Variants in SRCAP observed in about 807,000 individuals in gnomAD.
SRCAP encodes the protein chromatin remodeling protein SRCAP.
Under a neutral mutation model 263.1 loss-of-function variants are expected in SRCAP, and 46 were observed. The observed-to-expected ratio is 0.17, with a 90% CI of 0.14 to 0.22. SRCAP has a LOEUF of 0.22. SRCAP is among the 10% of genes least tolerant of loss of function. The pLI, the probability that SRCAP is intolerant of heterozygous loss-of-function variation, is 1.00. For missense variants in SRCAP, 3,695 were observed against 4,181.9 expected, an observed-to-expected ratio of 0.88 and a Z score of 3.21; for synonymous variants, 1,813 against 1,662.1, an observed-to-expected ratio of 1.09 and a Z score of -2.21.
chr16:30,704,040 C>T (rs748266967), intron 3 of SRCAP, 24 bp from the exon 4 acceptor site: 13 of 1,597,128 alleles, frequency 8.1e-6, no homozygotes, highest in Admixed American at 3.4e-5. Context: ...CATTTATTTT[C>T]TCCATCATTT....
chr16:30,708,338 A>G (rs1488807644), intron 6 of SRCAP, among the ~76,000 whole-genome samples: 1 of 152,126 alleles, frequency 6.6e-6, no homozygotes, highest in Non-Finnish European at 1.5e-5. Flanking sequence ...TCTCCCAAGT[A>G]TCTGGGACTA....
intron 6 of SRCAP, among the ~76,000 whole-genome samples, chr16:30,709,210 A>G (rs2052860686): frequency 6.6e-6 from 1 of 151,974 alleles, no homozygotes; most frequent in East Asian, 1.9e-4. Flanking sequence ...CAGGAGGATC[A>G]TTTGAGCCCA....
Position 30,720,185 on chromosome 16 carries a change from C to T in SRCAP, c.2841C>T (p.Asp947=), listed in dbSNP as rs2052996793. The T allele has an allele frequency of 1.2e-6, 2 of 1,612,468 alleles. No homozygotes were observed. The change falls in exon 19 of 34, where the codon GAC becomes GAT. Residue 947 remains aspartate, a synonymous_variant. Transcript: ENST00000262518. ...PLQRIDMGRF[D]LIGLEGRVSR... ...AGCGGATAGACATGGGTCGATTTGA[C>T]CTTATTGGCCTGGAAGGTCGTGTCT...
At chr16:30,704,511 TATA>T (rs957509953) in intron 4 of SRCAP, among the ~76,000 whole-genome samples, 196 bp downstream of exon 4, 5 of 152,166 alleles carry the variant, frequency 3.3e-5, no homozygotes, top group Admixed American at 2.6e-4. Context: ...ATAGGAATGA[TATA>T]ATAGTTTATA....
chr16:30,716,565 C>T, intron 18 of SRCAP, 86 bp downstream of exon 18: 1 of 1,219,734 alleles, frequency 8.2e-7, no homozygotes, highest in Non-Finnish European at 1.2e-6. Context: ...TGGGGTCTGA[C>T]TTTTGCATCC....
intron 3 of SRCAP, among the ~76,000 whole-genome samples, chr16:30,702,524 G>C (rs999252417): frequency 6.7e-6 from 1 of 149,872 alleles, no homozygotes; most frequent in African/African-American, 2.5e-5. Context: ...GTGAGCCACC[G>C]TGCCCAGCCC....
Position 30,741,038 on chromosome 16 carries a change from T to C in SRCAP, c.*1305T>C, listed in dbSNP as rs941167037. 1.3e-5 allele frequency: 2 copies of C among 152,208 alleles called. No individual in the cohort carries two copies. Among genetic ancestry groups the C allele is most frequent in the African/African-American group, 4.8e-5 (2 of 41,444 alleles). The allele number at this position is 152,208 out of a possible 1,614,324, so 9.4% of individuals were successfully genotyped here. ...GAAATGATTAAGTAGGGCATCATTTTGCAGGTTTCTGTGTGGTAATGAGGT... is the reference window on the plus strand; with the variant it reads ...GAAATGATTAAGTAGGGCATCATTTCGCAGGTTTCTGTGTGGTAATGAGGT... On this transcript the variant is annotated 3_prime_UTR_variant, in exon 34 of 34. Coordinates refer to ENST00000262518, the MANE Select transcript of SRCAP (RefSeq NM_006662.3).
intron 30 of SRCAP, 55 bp from the exon 31 acceptor site, chr16:30,734,441 G>C (rs1160429007): frequency 6.2e-7 from 1 of 1,609,808 alleles, no homozygotes; most frequent in East Asian, 2.2e-5. Flanking sequence ...TTACAGCTTA[G>C]ACCTAAGACT....
Position 30,720,795 on chromosome 16 carries a change from G to A in SRCAP, c.3070G>A (p.Val1024Ile). 6.2e-7 allele frequency: 1 copy of A among 1,614,090 alleles called. No individual in the cohort carries two copies. Among genetic ancestry groups the A allele is most frequent in the Non-Finnish European group, 8.5e-7 (1 of 1,180,022 alleles). ...ACGGGCGCCCCTGGGCCCTGTCCCA[G>A]TTCGACCTCCTCCAGGTCCTGAGCT... ...NPRAPLGPVP[V>I]RPPPGPELSA... Residue 1024 changes from valine to isoleucine, a missense_variant, in exon 20 of 34, where the codon GTT becomes ATT. Coordinates refer to ENST00000262518, the MANE Select transcript of SRCAP (RefSeq NM_006662.3).
At chr16:30,712,551 T>C (rs772739571) in intron 13 of SRCAP, 112 bp downstream of exon 13, 4 of 1,516,968 alleles carry the variant, frequency 2.6e-6, no homozygotes, top group African/African-American at 2.8e-5. Context: ...GGTCATTAAC[T>C]GTATAGAGAG....
Position 30,704,249 on chromosome 16 carries a change from T to C in SRCAP, c.240T>C (p.Ala80=). The change falls in exon 4 of 34, where the codon GCT becomes GCC. Residue 80 remains alanine (A), a synonymous_variant. Coordinates refer to ENST00000262518, the MANE Select transcript of SRCAP (RefSeq NM_006662.3). The stretch of plus-strand genomic sequence containing the variant: ...AGGGGTTCAGCTTATCCCAGGCTGC[T>C]GACCTGGCTAACAAGGGCCCGAAGT... ...PLEGFSLSQA[A]DLANKGPKWE... The C allele has an allele frequency of 1.2e-6, 2 of 1,614,140 alleles. No homozygotes were observed. Among genetic ancestry groups the C allele is most frequent in the Non-Finnish European group, 1.7e-6 (2 of 1,179,986 alleles).
In SRCAP at chr16:30,724,984, C is replaced by T. The variant is rs780104309; in HGVS notation, c.5560C>T (p.Arg1854Cys). The T allele has an allele frequency of 1.2e-5, 20 of 1,614,072 alleles. No homozygotes were observed. The highest frequency in any genetic ancestry group is 8.0e-5 in the African/African-American group (6 of 74,914). The change falls in exon 25 of 34, where the codon CGC (arginine) becomes TGC (cysteine). Residue 1854 changes from arginine to cysteine, a missense_variant. By Grantham distance (180) the Arg-to-Cys change is radical (BLOSUM62 -3). Transcript: ENST00000262518. ...SKDEPDTLTL[R>C]SGPPSPPSTA... ...GGATGAGCCTGACACACTGACATTG[C>T]GCTCTGGTCCCCCCAGCCCTCCCTC...
rs1469943385 is a variant in SRCAP at position 30,716,328 on chromosome 16, G to A, written c.2666G>A (p.Ser889Asn). 1 of 1,614,132 alleles carries A rather than the reference G, an allele frequency of 6.2e-7. No individual in the cohort carries two copies. Among genetic ancestry groups the A allele is most frequent in the East Asian group, 2.2e-5 (1 of 44,876 alleles). ...ACACTAGCCACAGGCCATTTCATGA[G>A]CGTCATCAACATTTTGATGCAGCTG... ...KETLATGHFM[S>N]VINILMQLRK... The change falls in exon 18 of 34, where the codon AGC (serine) becomes AAC (asparagine). Residue 889 changes from serine (S) to asparagine (N), a missense_variant. By Grantham distance (46) the Ser-to-Asn change is conservative (BLOSUM62 1). Transcript: ENST00000262518.
Position 30,738,340 on chromosome 16 carries a change from G to GGCGGCAGCA in SRCAP, c.8305_8313dup (p.Gln2769_Arg2771dup), listed in dbSNP as rs542757742. ...GAGGAAAAGGAACTGGTGCGGCGGC[G>GGCGGCAGCA]GCGGCAGCAGCGGGGAGCTGCCAGC... is the stretch of plus-strand genomic sequence containing the variant. On this transcript the variant is annotated inframe_insertion, in exon 34 of 34. Transcript: ENST00000262518. 183 of 1,574,098 alleles carry GGCGGCAGCA rather than the reference G, an allele frequency of 1.2e-4. No individual in the cohort carries two copies. The African/African-American group carries it at 2.2e-3, about 19-fold the overall frequency.
In SRCAP at chr16:30,736,355, G is replaced by A; in HGVS notation, c.6885G>A (p.Met2295Ile). The change falls in exon 32 of 34, where the codon ATG becomes ATA. Residue 2295 changes from methionine to isoleucine, a missense_variant. This residue lies in a region of SRCAP where 91 missense variants were observed against 150.6 expected (regional missense o/e 0.60). Transcript: ENST00000262518. Reference protein sequence around the residue: ...AGRPGAEDEEMSRAEQEIAAL... With the variant: ...AGRPGAEDEEISRAEQEIAAL... ...GGCCTGGGGCTGAGGATGAGGAGAT[G>A]TCCCGGGCTGAGCAGGAAATTGCTG... is the stretch of plus-strand genomic sequence containing the variant. 2 of 1,613,848 alleles carry A rather than the reference G, an allele frequency of 1.2e-6. No homozygotes were observed. Among genetic ancestry groups the A allele is most frequent in the Non-Finnish European group, 1.7e-6 (2 of 1,179,854 alleles).
rs965039966 is a variant in SRCAP at position 30,721,155 on chromosome 16, G to A, written c.3254-34G>A. 2.5e-6 allele frequency: 4 copies of A among 1,573,916 alleles called. No homozygotes were observed. In the African/African-American group the frequency reaches 5.4e-5, roughly 21 times the overall value. On this transcript the variant is annotated intron_variant, in intron 20 of 33. Transcript: ENST00000262518. Reference sequence around the variant, plus strand: ...GCACCAGGCTAAGGCTTTAGTCAGGGTATATCTGACAGGTGTTTGCTTTGT... The same window carrying A: ...GCACCAGGCTAAGGCTTTAGTCAGGATATATCTGACAGGTGTTTGCTTTGT...
chr16:30,712,957 A>C (rs1178229918), intron 14 of SRCAP, 142 bp downstream of exon 14: 10 of 1,175,574 alleles, frequency 8.5e-6, no homozygotes, highest in African/African-American at 1.6e-5. Context: ...ATGGGGTCTC[A>C]CTATGTTACC....
chr16:30,701,228 T>G (rs2052762478), intron 3 of SRCAP: 1 of 187,652 alleles, frequency 5.3e-6, no homozygotes, highest in Non-Finnish European at 1.1e-5. Context: ...TAGTGTTCAT[T>G]CCTTTCTCAT....
chr16:30,703,845 C>T (rs867542978), intron 3 of SRCAP, among the ~76,000 whole-genome samples: 5 of 152,068 alleles, frequency 3.3e-5, no homozygotes, highest in Non-Finnish European at 5.9e-5. Context: ...TGCGGTGAGC[C>T]GAGATCGCGC....
Sources: gnomAD v4.1 joint callset for allele counts (sites outside exome capture counted in the v4.1 genomes callset) on GRCh38, gnomAD v4.1.1 for gene constraint, gnomAD v4.1.1 regional missense constraint, MANE v1.5 for transcripts, NCBI Gene and HGNC (gene_info 2026-07-23, HGNC 2026-07-21) for gene names.